The following PCDH9 variants were observed in gnomAD, a reference collection of about 807,000 sequenced individuals.
PCDH9 encodes protocadherin-9.
In PCDH9, 24 loss-of-function variants were observed where a neutral mutation model predicts 70.6. That is an observed-to-expected ratio of 0.34 (90% CI 0.25 to 0.48). The LOEUF is 0.48. PCDH9 is among the 20% of genes least tolerant of loss of function. The pLI, the probability that PCDH9 is intolerant of heterozygous loss-of-function variation, is 0.99. For missense variants in PCDH9, 1,281 were observed against 1,503.6 expected, an observed-to-expected ratio of 0.85 and a Z score of 2.45; for synonymous variants, 562 against 558.5, an observed-to-expected ratio of 1.01 and a Z score of -0.09.
intron 3 of PCDH9, among the ~76,000 whole-genome samples, chr13:66,669,428 C>CTT (rs143730657): frequency 6.6e-6 from 1 of 151,904 alleles, no homozygotes; most frequent in African/African-American, 2.4e-5. Context: ...AGTCTTCTAT[C>CTT]TTTTTTTTGT....
At chr13:66,635,066 T>G (rs995012482) in intron 3 of PCDH9, among the ~76,000 whole-genome samples, 4 of 152,182 alleles carry the variant, frequency 2.6e-5, no homozygotes, top group African/African-American at 9.7e-5. Flanking sequence ...TGCATTTTGA[T>G]TCATCTTTAT....
chr13:66,393,837 G>T lies in PCDH9; in HGVS notation c.3341-88809C>A, dbSNP rs537884921. The stretch of plus-strand genomic sequence containing the variant: ...CAGGACTGAAGTTCATTTATCTTTG[G>T]CTTGTCACTCATGCTAACACCTACT... On this transcript the variant is annotated intron_variant, in intron 4 of 4. Coordinates refer to ENST00000377865, the MANE Select transcript of PCDH9 (RefSeq NM_203487.3). Among the ~76,000 whole-genome samples the T allele has an allele frequency of 2.0e-5, 3 of 152,192 alleles. No individual in the cohort carries two copies. In the East Asian group the frequency reaches 5.8e-4, roughly 29 times the overall value.
At position 66,603,289 on chromosome 13, in the gene PCDH9, T is replaced by C. The variant is rs114286188; in HGVS notation, c.3340+27921A>G. Among the ~76,000 whole-genome samples the C allele has an allele frequency of 1.6e-5, 2 of 123,558 alleles. 1 individual carries two copies. The highest frequency in any genetic ancestry group is 1.6e-4 in the Admixed American group (2 of 12,588). The allele number at this position is 123,558 out of a possible 152,430, so 81.1% of individuals were successfully genotyped here. On this transcript the variant is annotated intron_variant, in intron 4 of 4. Transcript: ENST00000377865. ...AATCAGAGAAGAGATTAGCTGCTTT[T>C]TAACTTAAAGAATGTGGCTACAATA...
chr13:66,666,560 G>A (rs1337756563), intron 3 of PCDH9, among the ~76,000 whole-genome samples: 5 of 152,058 alleles, frequency 3.3e-5, no homozygotes, highest in African/African-American at 9.7e-5. Context: ...GGTAGGTTTT[G>A]CTCTTTACCT....
At chr13:66,610,250 G>GAGAGA (rs1366545415) in intron 4 of PCDH9, among the ~76,000 whole-genome samples, 2 of 152,064 alleles carry the variant, frequency 1.3e-5, no homozygotes, top group African/African-American at 2.4e-5. Flanking sequence ...GGAAAAAAGA[G>GAGAGA]AGAGAGCAAC....
intron 4 of PCDH9, among the ~76,000 whole-genome samples, chr13:66,375,951 T>C (rs966979364): frequency 1.3e-5 from 2 of 152,036 alleles, no homozygotes; most frequent in South Asian, 4.1e-4. Flanking sequence ...GTGCATCTAA[T>C]AAGAAACAGA....
chr13:66,430,867 A>G (rs181563063), intron 4 of PCDH9, among the ~76,000 whole-genome samples: 79 of 152,190 alleles, frequency 5.2e-4, no homozygotes, highest in African/African-American at 1.9e-3. Context: ...CTTCTCTTCC[A>G]AAGTTGGAGA....
At chr13:66,509,508 C>T (rs1202123072) in intron 4 of PCDH9, among the ~76,000 whole-genome samples, 1 of 152,204 alleles carries the variant, frequency 6.6e-6, no homozygotes, top group African/African-American at 2.4e-5. Flanking sequence ...TTGCAACATC[C>T]TCATCCTCCA....
chr13:66,343,487 CTCG>C (rs1351238526), intron 4 of PCDH9, among the ~76,000 whole-genome samples: 1 of 152,206 alleles, frequency 6.6e-6, no homozygotes, highest in African/African-American at 2.4e-5. Context: ...GGGAACCAAG[CTCG>C]TCATCTTAAG....
At chr13:66,802,198 A>C (rs2080337748) in intron 3 of PCDH9, among the ~76,000 whole-genome samples, 1 of 151,952 alleles carries the variant, frequency 6.6e-6, no homozygotes, top group African/African-American at 2.4e-5. Flanking sequence ...GTATTAATCA[A>C]AGTTTCATCA....
At chr13:67,048,495 T>C (rs1267860815) in intron 2 of PCDH9, among the ~76,000 whole-genome samples, 2 of 152,172 alleles carry the variant, frequency 1.3e-5, no homozygotes, top group Non-Finnish European at 2.9e-5. Context: ...TTGTTTTTCA[T>C]GTGGTTGTAC....
chr13:67,115,179 A>T (rs1037034758), intron 2 of PCDH9, among the ~76,000 whole-genome samples: 3 of 152,188 alleles, frequency 2.0e-5, no homozygotes, highest in Admixed American at 6.5e-5. Flanking sequence ...ATAAGTCCAT[A>T]TGTTGTTTTG....
chr13:66,752,507 G>A (rs769266961), intron 3 of PCDH9, among the ~76,000 whole-genome samples: 3 of 152,132 alleles, frequency 2.0e-5, no homozygotes, highest in Non-Finnish European at 4.4e-5. Context: ...ATGTTGCCTA[G>A]ACTAGTCTAG....
intron 3 of PCDH9, among the ~76,000 whole-genome samples, chr13:66,869,610 A>C (rs2081637247): frequency 6.6e-6 from 1 of 152,124 alleles, no homozygotes; most frequent in Non-Finnish European, 1.5e-5. Context: ...GATAATATTG[A>C]TGCAAAAATC....
Position 66,754,357 on chromosome 13 carries a change from C to T in PCDH9, c.3139-122946G>A, listed in dbSNP as rs189709215. Among the ~76,000 whole-genome samples, 425 of 151,496 alleles carry T rather than the reference C, an allele frequency of 2.8e-3. 2 individuals are homozygous for T. The highest frequency in any genetic ancestry group is 9.9e-3 in the African/African-American group (409 of 41,242). On this transcript the variant is annotated intron_variant, in intron 3 of 4. Transcript: ENST00000377865. ...AAACCTGCACATTCTGCACATGTAT[C>T]CCAGAATTTAAAGTATAACAAAATA...
At chr13:66,489,597 C>T (rs185959716) in intron 4 of PCDH9, among the ~76,000 whole-genome samples, 6 of 152,300 alleles carry the variant, frequency 3.9e-5, no homozygotes, top group African/African-American at 1.4e-4. Flanking sequence ...CAGGCATGAG[C>T]CACCTTACCC....
intron 4 of PCDH9, among the ~76,000 whole-genome samples, chr13:66,448,728 G>A (rs1958147043): frequency 1.3e-5 from 2 of 152,306 alleles, no homozygotes; most frequent in South Asian, 4.1e-4. Context: ...ATGGAGGTGG[G>A]AGGAAAATTA....
intron 2 of PCDH9, among the ~76,000 whole-genome samples, chr13:67,134,239 G>C (rs1015900339): frequency 6.6e-6 from 1 of 152,028 alleles, no homozygotes; most frequent in African/African-American, 2.4e-5. Flanking sequence ...ATATAGTAAA[G>C]ATCAGGACTC....
At chr13:66,925,110 C>G (rs1367692084) in intron 2 of PCDH9, among the ~76,000 whole-genome samples, 1 of 151,822 alleles carries the variant, frequency 6.6e-6, no homozygotes, top group South Asian at 2.1e-4. Flanking sequence ...TAAATCTGTT[C>G]GCTGTCAATT....
Sources: gnomAD v4.1 joint callset for allele counts (sites outside exome capture counted in the v4.1 genomes callset) on GRCh38, gnomAD v4.1.1 for gene constraint, MANE v1.5 for transcripts, NCBI Gene and HGNC (gene_info 2026-07-23, HGNC 2026-07-21) for gene names.